ARMC12: variants seen among roughly 807,000 people sequenced by gnomAD.
ARMC12 encodes armadillo repeat-containing protein 12.
Under a neutral mutation model 37.4 loss-of-function variants are expected in ARMC12, and 25 were observed. The observed-to-expected ratio is 0.67, with a 90% CI of 0.49 to 0.93. The LOEUF is 0.93. Among genes scored for constraint, ARMC12 ranks in the 40% least tolerant of loss-of-function variants. The pLI is 0.00. For synonymous variants in ARMC12, 167 were observed against 176.1 expected (o/e 0.95, Z 0.41); for missense variants, 384 against 426.6 (o/e 0.90, Z 0.88).
At chr6:35,747,205 C>G (rs563761056) in intron 3 of ARMC12, 56 bp from the exon 4 acceptor site, 1 of 1,558,290 alleles carries the variant, frequency 6.4e-7, no homozygotes, top group Non-Finnish European at 8.7e-7. Context: ...AAGTCAGATA[C>G]TGGGATAGTG....
At chr6:35,737,363 C>T in intron 1 of ARMC12, 92 bp downstream of exon 1, 1 of 1,613,784 alleles carries the variant, frequency 6.2e-7, no homozygotes, top group Non-Finnish European at 8.5e-7. Context: ...GTGATGCCTC[C>T]AAGTTCCTCT....
chr6:35,747,539 A>T (rs1255252286), intron 4 of ARMC12, 37 bp from the exon 5 acceptor site: 1 of 1,613,288 alleles, frequency 6.2e-7, no homozygotes, highest in Admixed American at 1.7e-5. Context: ...GCCCAGACTC[A>T]CCTGCCTTCT....
At chr6:35,731,865 G>A in the ARMC12 span, among the ~76,000 whole-genome samples, 1 of 152,192 alleles carries the variant, frequency 6.6e-6, no homozygotes, top group Non-Finnish European at 1.5e-5. Flanking sequence ...GGGGGCGGGC[G>A]GGAAGGATGG....
At chr6:35,738,283 C>CGGGG (rs201221548) in intron 2 of ARMC12, 101 bp from the exon 3 acceptor site, 24 of 576,420 alleles carry the variant, frequency 4.2e-5, no homozygotes, top group African/African-American at 1.7e-4. Flanking sequence ...TGGCTGATAG[C>CGGGG]GGTGGGGGGG....
Position 35,738,518 on chromosome 6 carries a change from G to C in ARMC12, c.444G>C (p.Gln148His), listed in dbSNP as rs893679053. The C allele has an allele frequency of 1.8e-5, 29 of 1,613,860 alleles. No individual in the cohort carries two copies. The highest frequency in any genetic ancestry group is 2.4e-5 in the Non-Finnish European group (28 of 1,180,004). The change falls in exon 3 of 6, where the codon CAG (glutamine) becomes CAC (histidine). Residue 148 changes from glutamine to histidine, a missense_variant and splice_region_variant. By Grantham distance (24) the Gln-to-His change is conservative. Transcript: ENST00000373866. ...SGIRKFRLKI[Q>H]EHSIKVLELI... ...TCAGAAAATTCAGGCTCAAAATCCA[G>C]GTGAGCCCAGGGATGCGTGGTGGGG... is the stretch of plus-strand genomic sequence containing the variant.
chr6:35,746,575 G>C (rs1767343273), intron 3 of ARMC12, among the ~76,000 whole-genome samples: 2 of 152,142 alleles, frequency 1.3e-5, no homozygotes, highest in Non-Finnish European at 2.9e-5. Flanking sequence ...GGAGGCTATT[G>C]CAGAAATCCC....
chr6:35,736,921 C>T (rs896218746), upstream of ARMC12: 27 of 841,642 alleles, frequency 3.2e-5, no homozygotes, highest in Non-Finnish European at 4.0e-5. Flanking sequence ...CATCTGTTCT[C>T]GAGCACTCCT....
intron 3 of ARMC12, among the ~76,000 whole-genome samples, chr6:35,741,767 T>G (rs919116685): frequency 2.6e-5 from 4 of 152,074 alleles, no homozygotes; most frequent in Non-Finnish European, 5.9e-5. Context: ...AAAATTCTCT[T>G]TACATGTATC....
chr6:35,743,403 A>T (rs1212901904), intron 3 of ARMC12, among the ~76,000 whole-genome samples: 1 of 152,010 alleles, frequency 6.6e-6, no homozygotes, highest in East Asian at 1.9e-4. Flanking sequence ...TTTGTAGTGG[A>T]GATGGGGTTT....
Position 35,748,621 on chromosome 6 carries a change from G to C in ARMC12, c.774G>C (p.Leu258=). The C allele has an allele frequency of 6.2e-7, 1 of 1,609,012 alleles. No homozygotes were observed. The stretch of plus-strand genomic sequence containing the variant: ...AGGTACTGGTGTTTGCTGAGCGGCT[G>C]AGTGAGGGCCGGAACGCACCCCACT... The part of the protein sequence containing the change: ...LYEVLVFAER[L]SEGRNAPHYH... Residue 258 remains leucine, a synonymous_variant, in exon 6 of 6, where the codon CTG becomes CTC. Coordinates refer to ENST00000373866, the MANE Select transcript of ARMC12 (RefSeq NM_001286574.2).
At chr6:35,739,807 A>G (rs1767110750) in intron 3 of ARMC12, among the ~76,000 whole-genome samples, 1 of 152,238 alleles carries the variant, frequency 6.6e-6, no homozygotes, top group African/African-American at 2.4e-5. Context: ...CCACACGTTC[A>G]GCAACCAGGA....
At chr6:35,733,136 C>T (rs1401902529), upstream of ARMC12, among the ~76,000 whole-genome samples, 2 of 152,130 alleles carry the variant, frequency 1.3e-5, no homozygotes, top group Non-Finnish European at 2.9e-5. Context: ...GGCGCCACTG[C>T]ACTCCAGCCC....
chr6:35,738,033 C>G lies in ARMC12; in HGVS notation c.170C>G (p.Ala57Gly), dbSNP rs768034734. 2.2e-5 allele frequency: 35 copies of G among 1,613,038 alleles called. No homozygotes were observed. Among genetic ancestry groups the G allele is most frequent in the Non-Finnish European group, 2.8e-5 (33 of 1,180,030 alleles). Reference sequence around the variant, plus strand: ...GGCTGGGGTGGCTGTCTAGGCCTGGCAGTCGAGCGAGAGCGGCACGGGCGG... The same window carrying G: ...GGCTGGGGTGGCTGTCTAGGCCTGGGAGTCGAGCGAGAGCGGCACGGGCGG... Reference protein sequence around the residue: ...SNSPICIARLAVERERHGRDS... With the variant: ...SNSPICIARLGVERERHGRDS... Residue 57 changes from alanine to glycine, a missense_variant, in exon 2 of 6, where the codon GCA (alanine) becomes GGA (glycine). Ala to Gly is a moderately conservative substitution (Grantham distance 60). Transcript: ENST00000373866.
rs200959307 is a variant in ARMC12, at chr6:35,738,202, G to C, written c.309+30G>C. 4.7e-4 allele frequency: 745 copies of C among 1,585,704 alleles called. 2 individuals carry two copies. Among genetic ancestry groups the C allele is most frequent in the Non-Finnish European group, 5.8e-4 (677 of 1,163,230 alleles). On this transcript the variant is annotated intron_variant, in intron 2 of 5. Coordinates refer to ENST00000373866, the MANE Select transcript of ARMC12 (RefSeq NM_001286574.2). ...GGGAAGCAGGAGGTCCCCCCTAGCC[G>C]GCCTGGCCCCTGGGGGTTACGGCCG...
At chr6:35,732,176 G>T (rs1487718741), upstream of ARMC12, among the ~76,000 whole-genome samples, 2 of 152,164 alleles carry the variant, frequency 1.3e-5, no homozygotes, top group African/African-American at 4.8e-5. Flanking sequence ...TGCTCCCCGC[G>T]CCTTAGGCTG....
At position 35,748,661 on chromosome 6, in the gene ARMC12, T is replaced by C. The variant is rs754240873; in HGVS notation, c.814T>C (p.Trp272Arg). The C allele has an allele frequency of 1.9e-6, 3 of 1,614,058 alleles. No homozygotes were observed. ...RNAPHYHVVK[W>R]HYNEQSLHES... ...CGCACCCCACTACCACGTGGTGAAA[T>C]GGCATTACAACGAACAGTCCCTGCA... The change falls in exon 6 of 6, where the codon TGG becomes CGG. Residue 272 changes from tryptophan (W) to arginine (R), a missense_variant. By Grantham distance (101) the Trp-to-Arg change is moderately radical (BLOSUM62 -3). Transcript: ENST00000373866.
At chr6:35,737,900 A>G in intron 1 of ARMC12, 127 bp from the exon 2 acceptor site, 1 of 1,312,668 alleles carries the variant, frequency 7.6e-7, no homozygotes. Flanking sequence ...GGTCCTGCAT[A>G]TGGCGAGAAG....
the ARMC12 span, among the ~76,000 whole-genome samples, chr6:35,731,545 G>A: frequency 1.1e-4 from 17 of 152,204 alleles, no homozygotes; most frequent in East Asian, 3.1e-3. Flanking sequence ...GTCTCCTGGT[G>A]CCCTGGGCCC....
intron 3 of ARMC12, among the ~76,000 whole-genome samples, chr6:35,741,907 A>G (rs1334530600): frequency 6.6e-6 from 1 of 151,946 alleles, no homozygotes; most frequent in Non-Finnish European, 1.5e-5. Context: ...CAGCCTTCTC[A>G]AGTGCAGTGG....
Sources: gnomAD v4.1 joint callset for allele counts (sites outside exome capture counted in the v4.1 genomes callset) on GRCh38, gnomAD v4.1.1 for gene constraint, MANE v1.5 for transcripts, NCBI Gene and HGNC (gene_info 2026-07-23, HGNC 2026-07-21) for gene names.